The following ACVR1 variants were observed in gnomAD, a reference collection of about 807,000 sequenced individuals.
ACVR1 encodes activin receptor type-1.
Under a neutral mutation model 57.1 loss-of-function variants are expected in ACVR1, and 38 were observed. The observed-to-expected ratio is 0.67, with a 90% CI of 0.51 to 0.87. ACVR1 has a LOEUF of 0.87. Ranked by LOEUF, ACVR1 falls within the 40% of genes least tolerant of loss-of-function variation. The probability of loss-of-function intolerance (pLI) is 0.00; values close to 1 mark genes in which losing one functional copy is unlikely to be tolerated. For missense variants in ACVR1, 463 were observed against 638.2 expected (o/e 0.73, Z 2.96); for synonymous variants, 212 against 228.1 (o/e 0.93, Z 0.63).
intron 2 of ACVR1, among the ~76,000 whole-genome samples, chr2:157,808,690 C>T (rs1458042914): frequency 6.6e-6 from 1 of 152,052 alleles, no homozygotes; most frequent in African/African-American, 2.4e-5. Flanking sequence ...ATATACATCT[C>T]CTACAAGTCA....
chr2:157,772,495 A>T (rs959681442), intron 6 of ACVR1, among the ~76,000 whole-genome samples: 2 of 152,232 alleles, frequency 1.3e-5, no homozygotes, highest in Non-Finnish European at 2.9e-5. Context: ...TGCAATAATG[A>T]TATTTATACT....
intron 1 of ACVR1, among the ~76,000 whole-genome samples, chr2:157,838,537 C>T (rs890052157): frequency 5.9e-5 from 9 of 152,140 alleles, no homozygotes; most frequent in African/African-American, 2.2e-4. Flanking sequence ...CCCCAGTGTA[C>T]AAACTATTAG....
intron 2 of ACVR1, among the ~76,000 whole-genome samples, chr2:157,814,072 G>C (rs1687849410): frequency 6.6e-6 from 1 of 152,298 alleles, no homozygotes; most frequent in Non-Finnish European, 1.5e-5. Flanking sequence ...GTATAGCCTG[G>C]TGCTTAGAAC....
intron 1 of ACVR1, among the ~76,000 whole-genome samples, chr2:157,833,433 T>C (rs972674145): frequency 6.6e-6 from 1 of 152,188 alleles, no homozygotes; most frequent in Non-Finnish European, 1.5e-5. Context: ...AGGATGGCCA[T>C]TGTCCCAACT....
intron 9 of ACVR1, among the ~76,000 whole-genome samples, chr2:157,741,605 C>CA (rs1482215315): frequency 7.0e-6 from 1 of 143,220 alleles, no homozygotes; most frequent in Admixed American, 7.2e-5. Flanking sequence ...AGCCTGGTGA[C>CA]AGACAGAGAC....
chr2:157,755,875 G>GA (rs911347981), intron 9 of ACVR1, among the ~76,000 whole-genome samples: 6 of 151,842 alleles, frequency 4.0e-5, no homozygotes, highest in African/African-American at 1.5e-4. Context: ...TAAGCAAAAG[G>GA]AAAAAATCTG....
At chr2:157,783,094 T>C (rs556704387) in intron 3 of ACVR1, among the ~76,000 whole-genome samples, 9 of 152,330 alleles carry the variant, frequency 5.9e-5, no homozygotes, top group African/African-American at 1.4e-4. Flanking sequence ...CTGCTCATCA[T>C]TGGTCCTAAA....
At chr2:157,756,991 GATATATATATTTGAGAT>G (rs1274782338) in intron 9 of ACVR1, among the ~76,000 whole-genome samples, 73 of 135,164 alleles carry the variant, frequency 5.4e-4, no homozygotes, top group Admixed American at 5.4e-3. Context: ...ATATATTTGA[GATATATATATTTGAGAT>G]ATATATATAT....
At chr2:157,804,291 C>T (rs1160829775) in intron 2 of ACVR1, among the ~76,000 whole-genome samples, 1 of 152,162 alleles carries the variant, frequency 6.6e-6, no homozygotes, top group Non-Finnish European at 1.5e-5. Flanking sequence ...TGACACTGTT[C>T]TACAGTTTTA....
chr2:157,797,993 C>T (rs1267293801), intron 3 of ACVR1, among the ~76,000 whole-genome samples: 2 of 152,152 alleles, frequency 1.3e-5, no homozygotes, highest in African/African-American at 2.4e-5. Context: ...TCTGCCAGCA[C>T]CTTGAACTTA....
At chr2:157,820,269 G>A (rs1688116470) in intron 1 of ACVR1, among the ~76,000 whole-genome samples, 1 of 152,092 alleles carries the variant, frequency 6.6e-6, no homozygotes, top group South Asian at 2.1e-4. Flanking sequence ...TTCTAAAGTG[G>A]GCATCCTTAA....
intron 9 of ACVR1, among the ~76,000 whole-genome samples, chr2:157,749,890 C>T (rs1685113986): frequency 6.6e-6 from 1 of 152,208 alleles, no homozygotes; most frequent in South Asian, 2.1e-4. Flanking sequence ...CAATGGGAGG[C>T]CTGAGGACAG....
intron 9 of ACVR1, among the ~76,000 whole-genome samples, chr2:157,744,410 T>C (rs1684885319): frequency 6.6e-6 from 1 of 152,258 alleles, no homozygotes; most frequent in South Asian, 2.1e-4. Flanking sequence ...ATGTGGTTCA[T>C]GGACTAAACT....
intron 1 of ACVR1, among the ~76,000 whole-genome samples, chr2:157,839,350 T>C (rs1016643932): frequency 1.3e-5 from 2 of 152,282 alleles, no homozygotes; most frequent in African/African-American, 4.8e-5. Flanking sequence ...AGATAAGGAA[T>C]TTTCATTTCT....
chr2:157,739,213 C>T (rs1383046727), intron 9 of ACVR1, among the ~76,000 whole-genome samples: 1 of 152,118 alleles, frequency 6.6e-6, no homozygotes, highest in African/African-American at 2.4e-5. Flanking sequence ...TGACTGATGG[C>T]TCTATTATTT....
At chr2:157,792,390 C>T (rs1686950659) in intron 3 of ACVR1, among the ~76,000 whole-genome samples, 1 of 152,162 alleles carries the variant, frequency 6.6e-6, no homozygotes, top group African/African-American at 2.4e-5. Context: ...TGTTATGACC[C>T]AGGCTGAGAA....
At chr2:157,841,087 T>C (rs1383383889) in intron 1 of ACVR1, among the ~76,000 whole-genome samples, 2 of 152,202 alleles carry the variant, frequency 1.3e-5, no homozygotes, top group African/African-American at 2.4e-5. Context: ...AATTATGAAA[T>C]GTACATACAT....
At chr2:157,819,010 G>T (rs1333017052) in intron 1 of ACVR1, among the ~76,000 whole-genome samples, 3 of 146,482 alleles carry the variant, frequency 2.0e-5, no homozygotes, top group South Asian at 2.2e-4. Flanking sequence ...CCCGGGAGGT[G>T]GAGCTTGCAG....
In ACVR1 at chr2:157,740,108, C is replaced by G. The variant is rs1684694839; in HGVS notation, c.1265-1538G>C. Among the ~76,000 whole-genome samples, 5 of 151,848 alleles carry G rather than the reference C, an allele frequency of 3.3e-5. No homozygotes were observed. In the South Asian group the frequency reaches 1.0e-3, roughly 32 times the overall value. On this transcript the variant is annotated intron_variant, in intron 9 of 10. Coordinates refer to ENST00000434821, the MANE Select transcript of ACVR1 (RefSeq NM_001111067.4). ...GCTGAGGCACAAGATTTGCTTGAACCCGGGAGGTGGATGTTGCAATGAGCC... is the reference window on the plus strand; with the variant it reads ...GCTGAGGCACAAGATTTGCTTGAACGCGGGAGGTGGATGTTGCAATGAGCC...
Sources: gnomAD v4.1 joint callset for allele counts (sites outside exome capture counted in the v4.1 genomes callset) on GRCh38, gnomAD v4.1.1 for gene constraint, MANE v1.5 for transcripts, NCBI Gene and HGNC (gene_info 2026-07-23, HGNC 2026-07-21) for gene names.